ARMH3: variants seen among roughly 807,000 people sequenced by gnomAD.
ARMH3 encodes armadillo-like helical domain-containing protein 3.
A neutral mutation model predicts 99.1 loss-of-function variants in ARMH3; 60 were observed. The observed-to-expected ratio is 0.61, with a 90% confidence interval of 0.49 to 0.75. The LOEUF (loss-of-function observed/expected upper bound fraction) is 0.75. Among genes scored for constraint, ARMH3 ranks in the 30% least tolerant of loss-of-function variants. The probability of loss-of-function intolerance (pLI) is 0.00; values close to 1 mark genes in which losing one functional copy is unlikely to be tolerated. For missense variants in ARMH3, 679 were observed against 843.1 expected, an observed-to-expected ratio of 0.81 and a Z score of 2.41; for synonymous variants, 285 against 292.8, an observed-to-expected ratio of 0.97 and a Z score of 0.27.
intron 23 of ARMH3, among the ~76,000 whole-genome samples, chr10:101,904,269 C>T (rs1256305346): frequency 6.6e-6 from 1 of 152,166 alleles, no homozygotes; most frequent in Non-Finnish European, 1.5e-5. Flanking sequence ...TGAGCAAACA[C>T]CTTACCGCCA....
chr10:102,029,100 C>T (rs1407898532), intron 5 of ARMH3, among the ~76,000 whole-genome samples: 1 of 152,208 alleles, frequency 6.6e-6, no homozygotes, highest in Non-Finnish European at 1.5e-5. Flanking sequence ...GTCTCAAACT[C>T]CTTAGCTCAA....
chr10:101,958,377 T>C (rs1188216867), intron 20 of ARMH3, among the ~76,000 whole-genome samples: 1 of 152,188 alleles, frequency 6.6e-6, no homozygotes, highest in Admixed American at 6.5e-5. Flanking sequence ...GGGGAGAGAT[T>C]CCTAAAACCC....
chr10:101,956,064 A>G (rs993395825), intron 22 of ARMH3, among the ~76,000 whole-genome samples: 4 of 152,218 alleles, frequency 2.6e-5, no homozygotes, highest in Non-Finnish European at 5.9e-5. Flanking sequence ...ATAGGGACAC[A>G]TGAATTCTTT....
intron 2 of ARMH3, among the ~76,000 whole-genome samples, chr10:102,038,181 A>G (rs2067323386): frequency 7.7e-6 from 1 of 130,258 alleles, no homozygotes; most frequent in South Asian, 2.4e-4. Context: ...TGCAAGCTCC[A>G]CCTCCCTGGT....
At chr10:102,029,454 T>C (rs1480730988) in intron 5 of ARMH3, 184 bp downstream of exon 5, 3 of 1,546,402 alleles carry the variant, frequency 1.9e-6, no homozygotes, top group Admixed American at 3.9e-5. Context: ...CAAATTTGAA[T>C]TTAAAATTTT....
intron 20 of ARMH3, among the ~76,000 whole-genome samples, chr10:101,959,293 C>G (rs2135823119): frequency 6.6e-6 from 1 of 152,316 alleles, no homozygotes; most frequent in South Asian, 2.1e-4. Context: ...TAAAGAAGAT[C>G]ACCTTGCTGA....
At position 101,914,864 on chromosome 10, in the gene ARMH3, C is replaced by CAAA. The variant is rs373264871; in HGVS notation, c.1781+24996_1781+24998dup. Among the ~76,000 whole-genome samples, 158 of 65,712 alleles carry CAAA rather than the reference C, an allele frequency of 2.4e-3. 1 individual carries two copies. The highest frequency in any genetic ancestry group is 6.0e-3 in the East Asian group (14 of 2,328). 43.1% of individuals were successfully genotyped at this position (65,712 alleles called of 152,430 possible). A position where few individuals can be genotyped will look rare whatever the true frequency, so the allele number is the denominator to read the frequency against. On this transcript the variant is annotated intron_variant, in intron 23 of 25. Coordinates refer to ENST00000370033, the MANE Select transcript of ARMH3 (RefSeq NM_024541.3). ...CCTAGGTGACAGTGAAAATCCATCT[C>CAAA]AAAAAAAAAAAAAAAAAAAAAGCAA... is the stretch of plus-strand genomic sequence containing the variant.
intron 1 of ARMH3, among the ~76,000 whole-genome samples, chr10:102,047,244 A>T (rs975044987): frequency 2.0e-5 from 3 of 151,984 alleles, no homozygotes; most frequent in African/African-American, 7.3e-5. Context: ...CACTATTTTA[A>T]TTGAGTATAG....
chr10:101,942,865 CAAAAAAAA>C (rs1048644026), intron 22 of ARMH3, among the ~76,000 whole-genome samples: 1 of 91,102 alleles, frequency 1.1e-5, no homozygotes, highest in East Asian at 3.3e-4. Context: ...GACTCCATCT[CAAAAAAAA>C]AAAAAAAAAA....
chr10:101,925,009 C>CAAAAT (rs1323834429), intron 23 of ARMH3, among the ~76,000 whole-genome samples: 1 of 151,918 alleles, frequency 6.6e-6, no homozygotes, highest in Non-Finnish European at 1.5e-5. Context: ...CAAAACAAAA[C>CAAAAT]AAAATAATAA....
intron 22 of ARMH3, among the ~76,000 whole-genome samples, chr10:101,946,371 C>A (rs1844532774): frequency 6.6e-6 from 1 of 152,036 alleles, no homozygotes; most frequent in South Asian, 2.1e-4. Flanking sequence ...TAAAGCTGGG[C>A]ACAGTGGCTA....
chr10:101,990,080 C>T (rs1369861025), intron 19 of ARMH3, among the ~76,000 whole-genome samples: 2 of 152,026 alleles, frequency 1.3e-5, no homozygotes, highest in African/African-American at 4.8e-5. Context: ...CTTATTACCT[C>T]TTCTGAAAAG....
At chr10:101,879,566 G>A (rs1326247207) in intron 24 of ARMH3, among the ~76,000 whole-genome samples, 3 of 151,900 alleles carry the variant, frequency 2.0e-5, no homozygotes, top group Non-Finnish European at 2.9e-5. Flanking sequence ...TGGCCAGGCT[G>A]GTCTCAAATT....
chr10:101,963,887 T>TA, intron 20 of ARMH3, among the ~76,000 whole-genome samples: 1 of 150,960 alleles, frequency 6.6e-6, no homozygotes, highest in East Asian at 1.9e-4. Flanking sequence ...TCTTTTTTTT[T>TA]TTTTTTTGAG....
At chr10:102,022,795 T>C (rs1410257833) in intron 8 of ARMH3, among the ~76,000 whole-genome samples, 2 of 151,136 alleles carry the variant, frequency 1.3e-5, no homozygotes, top group Non-Finnish European at 2.9e-5. Context: ...TTAGCCAGGA[T>C]GGTCTCGATC....
intron 24 of ARMH3, among the ~76,000 whole-genome samples, chr10:101,866,047 C>T (rs910130277): frequency 2.0e-5 from 3 of 151,606 alleles, no homozygotes; most frequent in African/African-American, 7.3e-5. Context: ...ATGGCGAAAC[C>T]CCATCTCTAC....
chr10:101,902,699 G>A (rs2068009219), intron 23 of ARMH3, among the ~76,000 whole-genome samples: 1 of 152,028 alleles, frequency 6.6e-6, no homozygotes, highest in South Asian at 2.1e-4. Context: ...CAAAGGCAGC[G>A]GGAGGTGGGA....
intron 1 of ARMH3, among the ~76,000 whole-genome samples, chr10:102,045,820 C>T (rs1387387564): frequency 2.0e-5 from 3 of 152,064 alleles, no homozygotes; most frequent in Admixed American, 6.6e-5. Context: ...GAGGGCCAGG[C>T]GCGGTGGCTC....
chr10:101,867,965 C>A (rs1000832206), intron 24 of ARMH3, among the ~76,000 whole-genome samples: 2 of 150,588 alleles, frequency 1.3e-5, no homozygotes, highest in African/African-American at 4.9e-5. Context: ...ATAGTGAGAC[C>A]CTGTTTCTAT....
Sources: allele counts gnomAD v4.1 joint callset (sites outside exome capture counted in the v4.1 genomes callset), GRCh38; gene constraint gnomAD v4.1.1; transcripts MANE v1.5; gene names NCBI Gene and HGNC (gene_info 2026-07-23, HGNC 2026-07-21).